MTMR9: variants seen among roughly 807,000 people sequenced by gnomAD.
The protein encoded by MTMR9 is myotubularin related protein 9.
Under a neutral mutation model 69.5 loss-of-function variants are expected in MTMR9, and 39 were observed. That is an observed-to-expected ratio of 0.56 (90% CI 0.43 to 0.73). MTMR9 has a LOEUF of 0.73. Ranked by LOEUF, MTMR9 falls within the 30% of genes least tolerant of loss-of-function variation. The pLI is 0.00. For synonymous variants in MTMR9, 354 were observed against 240.8 expected (o/e 1.47, Z -4.35); for missense variants, 900 against 671.2 (o/e 1.34, Z -3.77).
Position 11,300,100 on chromosome 8 carries a change from C to T in MTMR9, c.369C>T (p.Gly123=). The change falls in exon 3 of 10, where the codon GGC becomes GGT. Residue 123 remains glycine, a synonymous_variant. Coordinates refer to ENST00000221086, the MANE Select transcript of MTMR9 (RefSeq NM_015458.4). ...CTATGTTTGAAGTGATAGAAGATGG[C>T]TGGCATTCCTTCCTTCCTGAGCAAG... ...YRPMFEVIED[G]WHSFLPEQEF... is the part of the protein sequence containing the mutation. 4 of 1,613,632 alleles carry T rather than the reference C, an allele frequency of 2.5e-6. No individual in the cohort carries two copies. The highest frequency in any genetic ancestry group is 3.4e-6 in the Non-Finnish European group (4 of 1,179,682).
At chr8:11,336,802 C>T in the MTMR9 span, among the ~76,000 whole-genome samples, 1 of 152,190 alleles carries the variant, frequency 6.6e-6, no homozygotes, top group East Asian at 1.9e-4. Flanking sequence ...ATCGGAATCA[C>T]CTGCACATAC....
At position 11,325,913 on chromosome 8, in the gene MTMR9, G is replaced by T. The variant is rs1056520605; in HGVS notation, c.*3125G>T. On this transcript the variant is annotated 3_prime_UTR_variant, in exon 10 of 10. Coordinates refer to ENST00000221086, the MANE Select transcript of MTMR9 (RefSeq NM_015458.4). Reference sequence around the variant, plus strand: ...TAAAGTGATTTTTGAGAAGACTTGGGGGGGACAATAATAGACATTCATGTC... The same window carrying T: ...TAAAGTGATTTTTGAGAAGACTTGGTGGGGACAATAATAGACATTCATGTC... 1 of 152,082 alleles carries T rather than the reference G, an allele frequency of 6.6e-6. No homozygotes were observed. 9.4% of individuals were successfully genotyped at this position (152,082 alleles called of 1,614,324 possible). A position where few individuals can be genotyped will look rare whatever the true frequency, so the allele number is the denominator to read the frequency against.
chr8:11,291,682 A>G (rs564375011), intron 1 of MTMR9, among the ~76,000 whole-genome samples: 1 of 152,110 alleles, frequency 6.6e-6, no homozygotes, highest in East Asian at 1.9e-4. Context: ...ATTATACTTT[A>G]TAGCAACTAC....
At chr8:11,328,944 T>C (rs35418978), downstream of MTMR9, among the ~76,000 whole-genome samples, 88,665 of 152,112 alleles carry the variant, frequency 0.58, 26,659 homozygotes, top group East Asian at 0.97. Flanking sequence ...ATCCATTCTG[T>C]ATTAATTTTT....
intron 1 of MTMR9, among the ~76,000 whole-genome samples, chr8:11,288,319 A>T (rs967967279): frequency 2.1e-5 from 3 of 140,082 alleles, no homozygotes; most frequent in African/African-American, 7.9e-5. Flanking sequence ...TGTATATATA[A>T]TATATATACA....
intron 3 of MTMR9, among the ~76,000 whole-genome samples, chr8:11,303,556 A>G (rs1207364876): frequency 6.6e-6 from 1 of 152,080 alleles, no homozygotes; most frequent in Non-Finnish European, 1.5e-5. Context: ...ATTTTTTGAA[A>G]CAATCTCACT....
chr8:11,334,876 T>C, the MTMR9 span, among the ~76,000 whole-genome samples: 1 of 152,204 alleles, frequency 6.6e-6, no homozygotes, highest in East Asian at 1.9e-4. Flanking sequence ...AAAAAGCTTT[T>C]CACAAAATCC....
chr8:11,319,563 C>T, intron 8 of MTMR9, 124 bp from the exon 9 acceptor site: 1 of 978,268 alleles, frequency 1.0e-6, no homozygotes, highest in Non-Finnish European at 1.5e-6. Flanking sequence ...CACTTTGTTT[C>T]TCTACCAAAA....
intron 7 of MTMR9, among the ~76,000 whole-genome samples, chr8:11,315,537 CAG>C (rs1349056350): frequency 1.3e-5 from 2 of 152,202 alleles, no homozygotes; most frequent in Non-Finnish European, 2.9e-5. Flanking sequence ...TCACTCATAA[CAG>C]GGATTGATAT....
intron 1 of MTMR9, among the ~76,000 whole-genome samples, chr8:11,288,006 ATAG>A (rs1799240623): frequency 8.1e-6 from 1 of 122,888 alleles, no homozygotes; most frequent in South Asian, 2.3e-4. Flanking sequence ...CATATAATAC[ATAG>A]TATATAATAC....
chr8:11,313,725 T>A (rs1364587027), intron 6 of MTMR9, among the ~76,000 whole-genome samples: 1 of 152,188 alleles, frequency 6.6e-6, no homozygotes, highest in Admixed American at 6.5e-5. Flanking sequence ...ATTTGTTGAT[T>A]AAGTTCACTG....
chr8:11,316,645 G>T lies in MTMR9; in HGVS notation c.1114-28G>T. 6 of 1,504,858 alleles carry T rather than the reference G, an allele frequency of 4.0e-6. No homozygotes were observed. In the South Asian group the frequency reaches 5.1e-5, roughly 13 times the overall value. The allele number at this position is 1,504,858 out of a possible 1,614,324, so 93.2% of individuals were successfully genotyped here. A position where few individuals can be genotyped will look rare whatever the true frequency, so the allele number is the denominator to read the frequency against. ...CTGTCATGTGATCTCACCAGGATAT[G>T]ACTGTCACGCCTCCATCTTCCCCCT... On this transcript the variant is annotated intron_variant, in intron 7 of 9. Transcript: ENST00000221086.
downstream of MTMR9, among the ~76,000 whole-genome samples, chr8:11,328,959 A>G (rs1284493399): frequency 1.3e-5 from 2 of 152,208 alleles, no homozygotes; most frequent in Non-Finnish European, 2.9e-5. Context: ...ATTTTTGTAT[A>G]CCGTGTAAGG....
At chr8:11,299,791 G>A (rs969046930) in intron 2 of MTMR9, among the ~76,000 whole-genome samples, 1 of 150,430 alleles carries the variant, frequency 6.6e-6, no homozygotes, top group African/African-American at 2.5e-5. Context: ...TTTTCATCCC[G>A]TCAACACTTT....
chr8:11,288,745 G>C (rs1320892868), intron 1 of MTMR9, among the ~76,000 whole-genome samples: 1 of 152,218 alleles, frequency 6.6e-6, no homozygotes, highest in Non-Finnish European at 1.5e-5. Context: ...GGAGCCCTTG[G>C]AGAGGTGAAA....
rs921082698 is a variant in MTMR9 at position 11,321,345 on chromosome 8, T to C, written c.1487-1280T>C. 7 of 453,674 alleles carry C rather than the reference T, an allele frequency of 1.5e-5. No homozygotes were observed. In the East Asian group the frequency reaches 4.9e-4, roughly 32 times the overall value. The allele number at this position is 453,674 out of a possible 1,614,324, so 28.1% of individuals were successfully genotyped here. ...GTTCATGATCTCTTAAACGAGAGGT[T>C]ACAGTATTCTTCCTGTTTAGGACTT... On this transcript the variant is annotated intron_variant, in intron 9 of 9. Transcript: ENST00000221086.
At chr8:11,313,631 G>C (rs1056218276) in intron 6 of MTMR9, among the ~76,000 whole-genome samples, 8 of 152,156 alleles carry the variant, frequency 5.3e-5, no homozygotes, top group African/African-American at 1.9e-4. Flanking sequence ...TGTCAATATT[G>C]TTGTGATCCC....
chr8:11,296,971 G>A (rs1408396691), intron 2 of MTMR9, among the ~76,000 whole-genome samples: 1 of 152,068 alleles, frequency 6.6e-6, no homozygotes, highest in Admixed American at 6.5e-5. Flanking sequence ...AGCTCATACT[G>A]TTTTCTTTCC....
chr8:11,295,717 C>T (rs1034377315), intron 2 of MTMR9, among the ~76,000 whole-genome samples: 1 of 152,218 alleles, frequency 6.6e-6, no homozygotes, highest in African/African-American at 2.4e-5. Context: ...CTATACAAAG[C>T]TCTGTGCCAA....
Sources: allele counts gnomAD v4.1 joint callset (sites outside exome capture counted in the v4.1 genomes callset), GRCh38; gene constraint gnomAD v4.1.1; transcripts MANE v1.5; gene names NCBI Gene and HGNC (gene_info 2026-07-23, HGNC 2026-07-21).